PRMT7: variants seen among roughly 807,000 people sequenced by gnomAD.
PRMT7 encodes the protein protein arginine methyltransferase 7.
In PRMT7, 75 loss-of-function variants were observed where a neutral mutation model predicts 85.4. That is an observed-to-expected ratio of 0.88 (90% confidence interval 0.73 to 1.06). The LOEUF (loss-of-function observed/expected upper bound fraction) is 1.06, where lower values mean the gene tolerates loss of function less well. Ranked by LOEUF, PRMT7 falls within the 50% of genes least tolerant of loss-of-function variation. The pLI is 0.00. For missense variants in PRMT7, 868 were observed against 915.2 expected, an observed-to-expected ratio of 0.95 and a Z score of 0.67; for synonymous variants, 397 against 359.5, an observed-to-expected ratio of 1.10 and a Z score of -1.18.
In PRMT7 at chr16:68,357,174, G is replaced by A. The variant is rs368511164; in HGVS notation, c.2029G>A (p.Asp677Asn). The A allele has an allele frequency of 2.6e-4, 418 of 1,613,856 alleles. No individual in the cohort carries two copies. Among genetic ancestry groups the A allele is most frequent in the Non-Finnish European group, 2.3e-4 (277 of 1,180,004 alleles). The change falls in exon 19 of 19, where the codon GAC (aspartate) becomes AAC (asparagine). Residue 677 changes from aspartate (D) to asparagine (N), a missense_variant. Transcript: ENST00000441236. ...CAGCTATGCAGTGGAGTTTCACCCC[G>A]ACACAGGCGACATCATCATGGAGTT... The part of the protein sequence containing the change: ...TVSYAVEFHP[D>N]TGDIIMEFRH...
chr16:68,317,930 T>G (rs2082064100), intron 3 of PRMT7, among the ~76,000 whole-genome samples: 1 of 151,766 alleles, frequency 6.6e-6, no homozygotes, highest in South Asian at 2.1e-4. Flanking sequence ...AAAAGTACTA[T>G]GGTAAGAGAG....
intron 14 of PRMT7, among the ~76,000 whole-genome samples, chr16:68,350,180 G>A (rs948316729): frequency 8.5e-5 from 13 of 152,350 alleles, no homozygotes; most frequent in East Asian, 1.9e-4. Context: ...GCTTATGGAC[G>A]TTTGGATTGT....
intron 5 of PRMT7, chr16:68,328,528 A>T (rs2083413329): frequency 6.5e-6 from 1 of 153,194 alleles, no homozygotes; most frequent in South Asian, 2.0e-4. Flanking sequence ...AAAAAAAAAA[A>T]AAAAATGGTA....
chr16:68,320,529 G>T (rs2084345652), intron 3 of PRMT7, among the ~76,000 whole-genome samples: 1 of 152,212 alleles, frequency 6.6e-6, no homozygotes, highest in Non-Finnish European at 1.5e-5. Flanking sequence ...ATTGTTTGTG[G>T]TTCAGGAACG....
rs905586920 is a variant in PRMT7, at chr16:68,329,434, T to G, written c.391+260T>G. The G allele has an allele frequency of 1.7e-5, 5 of 290,132 alleles. No individual in the cohort carries two copies. The South Asian group carries it at 2.6e-4, about 15-fold the overall frequency. The allele number at this position is 290,132 out of a possible 1,614,324, so 18.0% of individuals were successfully genotyped here. ...AAACCTACATTTGCTTTAAGCAAAT[T>G]GGAATTCTTATGGGGCTCAACTCTT... On this transcript the variant is annotated intron_variant, in intron 6 of 18. Coordinates refer to ENST00000441236, the MANE Select transcript of PRMT7 (RefSeq NM_019023.5).
intron 7 of PRMT7, among the ~76,000 whole-genome samples, chr16:68,338,648 G>T (rs1490300191): frequency 1.3e-5 from 2 of 152,116 alleles, no homozygotes; most frequent in East Asian, 1.9e-4. Flanking sequence ...GTTGGGAGAT[G>T]CTTCGCAGGG....
chr16:68,311,803 A>G (rs1305998343), intron 1 of PRMT7: 3 of 152,112 alleles, frequency 2.0e-5, no homozygotes, highest in African/African-American at 7.2e-5. Context: ...TCTGTCTTGT[A>G]GATCTCAAAT....
In PRMT7 at chr16:68,339,917, C is replaced by A; in HGVS notation, c.876C>A (p.Ile292=). The A allele has an allele frequency of 6.2e-7, 1 of 1,614,144 alleles. No individual in the cohort carries two copies. Among genetic ancestry groups the A allele is most frequent in the African/African-American group, 1.3e-5 (1 of 75,048 alleles). Residue 292 remains isoleucine, a synonymous_variant, in exon 9 of 19, where the codon ATC becomes ATA. Transcript: ENST00000441236. ...WDIEMDPEGK[I]KCTMAPFWAH... The stretch of plus-strand genomic sequence containing the variant: ...TTGAAATGGACCCTGAGGGGAAGAT[C>A]AAGTGCACCATGGCCCCCTTCTGGG...
chr16:68,356,614 A>G, intron 17 of PRMT7, 87 bp from the exon 18 acceptor site: 1 of 977,924 alleles, frequency 1.0e-6, no homozygotes. Flanking sequence ...GGAAGACCAC[A>G]GGTTTCTGGA....
intron 6 of PRMT7, among the ~76,000 whole-genome samples, chr16:68,334,799 T>A (rs865887486): frequency 1.2e-4 from 18 of 152,196 alleles, no homozygotes; most frequent in Middle Eastern, 6.8e-3. Flanking sequence ...TTTTTTTTTT[T>A]AATTTTTATT....
At chr16:68,321,873 A>T (rs973762549) in intron 4 of PRMT7, among the ~76,000 whole-genome samples, 1 of 152,040 alleles carries the variant, frequency 6.6e-6, no homozygotes, top group African/African-American at 2.4e-5. Context: ...GATCTCCACA[A>T]CTTATTCATC....
chr16:68,357,201 A>G lies in PRMT7; in HGVS notation c.2056A>G (p.Arg686Gly), dbSNP rs773288771. Reference protein sequence around the residue: ...PDTGDIIMEFRHADTPD With the variant: ...PDTGDIIMEFGHADTPD The stretch of plus-strand genomic sequence containing the variant: ...CACAGGCGACATCATCATGGAGTTC[A>G]GGCATGCAGATACCCCAGACTGACC... The change falls in exon 19 of 19, where the codon AGG becomes GGG. Residue 686 changes from arginine to glycine, a missense_variant. Arg to Gly is a moderately radical substitution (Grantham distance 125). Transcript: ENST00000441236. 6.2e-7 allele frequency: 1 copy of G among 1,613,400 alleles called. No individual in the cohort carries two copies. Among genetic ancestry groups the G allele is most frequent in the Non-Finnish European group, 8.5e-7 (1 of 1,179,680 alleles).
intron 16 of PRMT7, chr16:68,355,494 C>A: frequency 2.4e-6 from 1 of 420,510 alleles, no homozygotes; most frequent in Non-Finnish European, 4.2e-6. Flanking sequence ...AGCACCACCC[C>A]ATCTTAAAAA....
At chr16:68,338,146 G>A (rs2084967505) in intron 7 of PRMT7, among the ~76,000 whole-genome samples, 1 of 152,162 alleles carries the variant, frequency 6.6e-6, no homozygotes, top group South Asian at 2.1e-4. Flanking sequence ...AGGCAGATGT[G>A]TGGAGGGCAG....
intron 16 of PRMT7, chr16:68,354,347 C>G (rs2087931263): frequency 6.6e-6 from 1 of 152,258 alleles, no homozygotes; most frequent in South Asian, 2.1e-4. Flanking sequence ...GCCACTGCCT[C>G]CAGGCTGGGT....
chr16:68,337,369 C>A, intron 6 of PRMT7, 90 bp from the exon 7 acceptor site: 2 of 829,288 alleles, frequency 2.4e-6, no homozygotes, highest in Non-Finnish European at 4.0e-6. Context: ...AGCGTGATGG[C>A]CCCTTAACCA....
Position 68,357,057 on chromosome 16 carries a change from G to A in PRMT7, c.1912G>A (p.Gly638Ser), listed in dbSNP as rs1210407098. 2.5e-6 allele frequency: 4 copies of A among 1,605,954 alleles called. No individual in the cohort carries two copies. Among genetic ancestry groups the A allele is most frequent in the Admixed American group, 1.7e-5 (1 of 59,182 alleles). Reference sequence around the variant, plus strand: ...CTTCCTGCTCTTCTTCCTACAGGGGGGCTGCTGCTGGAACCCCCACTGCAA... The same window carrying A: ...CTTCCTGCTCTTCTTCCTACAGGGGAGCTGCTGCTGGAACCCCCACTGCAA... ...GLLEPADPEGGCCWNPHCKQA... is the reference protein window; with the variant it reads ...GLLEPADPEGSCCWNPHCKQA... The change falls in exon 19 of 19, where the codon GGC becomes AGC. Residue 638 changes from glycine (G) to serine (S), a missense_variant. Transcript: ENST00000441236.
intron 14 of PRMT7, among the ~76,000 whole-genome samples, chr16:68,349,616 C>G (rs4783621): frequency 1.3e-5 from 2 of 151,904 alleles, no homozygotes; most frequent in African/African-American, 4.8e-5. Context: ...TTTCCAGGCC[C>G]GACATGGTGG....
chr16:68,326,355 C>CT (rs371665579), intron 5 of PRMT7, among the ~76,000 whole-genome samples: 9 of 152,284 alleles, frequency 5.9e-5, no homozygotes, highest in African/African-American at 1.7e-4. Flanking sequence ...AAGCAATTCT[C>CT]TTTTCTCAGC....
Sources: allele counts gnomAD v4.1 joint callset (sites outside exome capture counted in the v4.1 genomes callset), GRCh38; gene constraint gnomAD v4.1.1; transcripts MANE v1.5; gene names NCBI Gene and HGNC (gene_info 2026-07-23, HGNC 2026-07-21).